ROBO2: variants seen among roughly 807,000 people sequenced by gnomAD.
The protein encoded by ROBO2 is roundabout guidance receptor 2.
Under a neutral mutation model 160.8 loss-of-function variants are expected in ROBO2, and 53 were observed. That is an observed-to-expected ratio of 0.33 (90% CI 0.26 to 0.41). The LOEUF is 0.41. Among genes scored for constraint, ROBO2 ranks in the 10% least tolerant of loss-of-function variants. ROBO2 has a pLI of 1.00. For synonymous variants in ROBO2, 664 were observed against 611.7 expected (o/e 1.09, Z -1.26); for missense variants, 1,577 against 1,722.4 (o/e 0.92, Z 1.49).
At chr3:77,208,197 C>T (rs1212138325) in intron 2 of ROBO2, among the ~76,000 whole-genome samples, 1 of 152,088 alleles carries the variant, frequency 6.6e-6, no homozygotes, top group Non-Finnish European at 1.5e-5. Flanking sequence ...TCATTTATAG[C>T]TCTTAAAAAA....
chr3:76,549,077 T>C (rs1195922274), intron 2 of ROBO2, among the ~76,000 whole-genome samples: 1 of 152,204 alleles, frequency 6.6e-6, no homozygotes, highest in African/African-American at 2.4e-5. Flanking sequence ...ATGATACTGA[T>C]CACAAACATA....
At chr3:77,197,406 A>C (rs2082406521) in intron 2 of ROBO2, among the ~76,000 whole-genome samples, 1 of 152,216 alleles carries the variant, frequency 6.6e-6, no homozygotes, top group Non-Finnish European at 1.5e-5. Context: ...ACTGCCAAAA[A>C]GCAACTTGCT....
chr3:77,186,784 C>T (rs1052438828), intron 2 of ROBO2, among the ~76,000 whole-genome samples: 2 of 151,816 alleles, frequency 1.3e-5, no homozygotes, highest in African/African-American at 2.4e-5. Flanking sequence ...TCTACTATTA[C>T]CATCTTGTTT....
intron 2 of ROBO2, among the ~76,000 whole-genome samples, chr3:76,105,474 A>G (rs951427222): frequency 2.0e-5 from 3 of 152,176 alleles, no homozygotes; most frequent in African/African-American, 4.8e-5. Flanking sequence ...TACTACATGT[A>G]TCTGTATCCC....
At chr3:76,547,203 T>C (rs953840196) in intron 2 of ROBO2, among the ~76,000 whole-genome samples, 2 of 152,054 alleles carry the variant, frequency 1.3e-5, no homozygotes, top group African/African-American at 4.8e-5. Flanking sequence ...GCAAATTCTA[T>C]AATTTACTTG....
intron 2 of ROBO2, among the ~76,000 whole-genome samples, chr3:76,645,538 T>C (rs1315396374): frequency 6.6e-6 from 1 of 151,984 alleles, no homozygotes; most frequent in Non-Finnish European, 1.5e-5. Context: ...TGAATGTAAG[T>C]GTTATAAGGA....
chr3:76,920,326 C>T (rs1167001), intron 2 of ROBO2, among the ~76,000 whole-genome samples: 66,283 of 151,790 alleles, frequency 0.44, 14,639 homozygotes, highest in South Asian at 0.5. Context: ...AGCAGACAGT[C>T]TGGGAAACAA....
At chr3:77,420,399 T>C (rs2077610607) in intron 2 of ROBO2, among the ~76,000 whole-genome samples, 1 of 152,104 alleles carries the variant, frequency 6.6e-6, no homozygotes, top group African/African-American at 2.4e-5. Context: ...ATAAGGTAGA[T>C]ATTGGGCTTT....
chr3:77,160,623 T>C (rs2078402395), intron 2 of ROBO2, among the ~76,000 whole-genome samples: 1 of 152,202 alleles, frequency 6.6e-6, no homozygotes, highest in Non-Finnish European at 1.5e-5. Flanking sequence ...TACATTTCAG[T>C]AACTGTGGCG....
chr3:76,181,025 T>C (rs537187644), intron 2 of ROBO2, among the ~76,000 whole-genome samples: 150 of 152,256 alleles, frequency 9.9e-4, no homozygotes, highest in African/African-American at 3.4e-3. Context: ...TTCTACAGTC[T>C]ACATGACCAA....
intron 2 of ROBO2, among the ~76,000 whole-genome samples, chr3:76,929,341 C>A (rs1286391702): frequency 2.0e-5 from 3 of 152,136 alleles, no homozygotes; most frequent in Non-Finnish European, 2.9e-5. Context: ...TAAGGAGAAA[C>A]CCCATTCTAG....
chr3:77,035,421 C>T (rs145555444), upstream of ROBO2, among the ~76,000 whole-genome samples: 116 of 151,872 alleles, frequency 7.6e-4, no homozygotes, highest in South Asian at 0.012. Flanking sequence ...CCGAACTCTT[C>T]GATCAAGATA....
intron 1 of ROBO2, among the ~76,000 whole-genome samples, chr3:77,052,373 T>C (rs544204646): frequency 6.6e-6 from 1 of 152,280 alleles, no homozygotes; most frequent in Non-Finnish European, 1.5e-5. Context: ...CTCAGAGCAA[T>C]AATAAAAGCC....
chr3:77,084,120 A>G (rs1261204682), intron 1 of ROBO2, among the ~76,000 whole-genome samples: 1 of 152,102 alleles, frequency 6.6e-6, no homozygotes, highest in African/African-American at 2.4e-5. Flanking sequence ...ATAAAACTCA[A>G]ATATTTTTTT....
At chr3:76,856,623 T>G (rs946471190) in intron 2 of ROBO2, among the ~76,000 whole-genome samples, 5 of 152,192 alleles carry the variant, frequency 3.3e-5, no homozygotes, top group Non-Finnish European at 7.3e-5. Context: ...CTGGGCAACA[T>G]CCCCAGAAAA....
intron 2 of ROBO2, among the ~76,000 whole-genome samples, chr3:76,023,821 A>G (rs911491583): frequency 6.6e-6 from 1 of 151,530 alleles, no homozygotes; most frequent in Non-Finnish European, 1.5e-5. Flanking sequence ...GCTGGCCACA[A>G]ACCTTCAATT....
At chr3:77,167,797 G>A (rs1404097403) in intron 2 of ROBO2, among the ~76,000 whole-genome samples, 2 of 151,998 alleles carry the variant, frequency 1.3e-5, no homozygotes, top group African/African-American at 2.4e-5. Context: ...TTTTGACAAG[G>A]TTTTATGGAA....
intron 2 of ROBO2, among the ~76,000 whole-genome samples, chr3:77,443,739 C>G (rs533159145): frequency 6.6e-6 from 1 of 152,164 alleles, no homozygotes; most frequent in Admixed American, 6.5e-5. Flanking sequence ...AATCCTCTAA[C>G]TTCATTTGGA....
intron 2 of ROBO2, among the ~76,000 whole-genome samples, chr3:77,211,344 G>A (rs1251317537): frequency 6.6e-6 from 1 of 152,216 alleles, no homozygotes; most frequent in Non-Finnish European, 1.5e-5. Flanking sequence ...GGCCAGTGAT[G>A]ATGAGCATTT....
Sources: gnomAD v4.1 joint callset for allele counts (sites outside exome capture counted in the v4.1 genomes callset) on GRCh38, gnomAD v4.1.1 for gene constraint, MANE v1.5 for transcripts, NCBI Gene and HGNC (gene_info 2026-07-23, HGNC 2026-07-21) for gene names.